Variants in ZNF618 observed in about 807,000 individuals in gnomAD.
ZNF618 encodes neural precursor cell expressed, developmentally down-regulated 10.
ZNF618 carries 34 observed loss-of-function variants against 103.0 expected under a neutral mutation model. The ratio of observed to expected loss-of-function variants is 0.33; its 90% CI spans 0.25 to 0.44. The LOEUF is 0.44. ZNF618 is among the 20% of genes least tolerant of loss of function. The pLI, the probability that ZNF618 is intolerant of heterozygous loss-of-function variation, is 1.00. For missense variants in ZNF618, 1,059 were observed against 1,295.4 expected (o/e 0.82, Z 2.80); for synonymous variants, 551 against 542.2 (o/e 1.02, Z -0.23).
At chr9:113,913,775 G>C (rs1831796830) in intron 1 of ZNF618, among the ~76,000 whole-genome samples, 1 of 152,224 alleles carries the variant, frequency 6.6e-6, no homozygotes, top group Non-Finnish European at 1.5e-5. Context: ...TCTTGGGTTT[G>C]AGGGTAGACT....
intron 1 of ZNF618, among the ~76,000 whole-genome samples, chr9:113,899,587 A>T (rs927202972): frequency 6.6e-6 from 1 of 152,222 alleles, no homozygotes; most frequent in Non-Finnish European, 1.5e-5. Context: ...GAGGTGGGAC[A>T]GTTCCATCCT....
At chr9:113,951,515 G>A (rs57337379) in intron 1 of ZNF618, among the ~76,000 whole-genome samples, 1,549 of 36,608 alleles carry the variant, frequency 0.042, 142 homozygotes, top group African/African-American at 0.064. Flanking sequence ...ATATATGTGT[G>A]TATATGTACA....
At chr9:113,940,584 G>GC (rs1834456876) in intron 1 of ZNF618, among the ~76,000 whole-genome samples, 1 of 150,294 alleles carries the variant, frequency 6.7e-6, no homozygotes, top group African/African-American at 2.4e-5. Flanking sequence ...ATTTTGGGGG[G>GC]GTGGTTCTTG....
intron 1 of ZNF618, among the ~76,000 whole-genome samples, chr9:113,950,500 A>G (rs1835460283): frequency 1.3e-5 from 2 of 152,216 alleles, no homozygotes; most frequent in African/African-American, 4.8e-5. Flanking sequence ...ATTGGAAGCC[A>G]GGCAAGCTGG....
chr9:113,972,998 G>A (rs1838127614), intron 2 of ZNF618, among the ~76,000 whole-genome samples: 1 of 152,254 alleles, frequency 6.6e-6, no homozygotes, highest in Middle Eastern at 3.4e-3. Context: ...GAACCCAGGA[G>A]GTGGAGGTTG....
intron 6 of ZNF618, among the ~76,000 whole-genome samples, chr9:114,006,189 G>A (rs1841741088): frequency 6.6e-6 from 1 of 152,250 alleles, no homozygotes; most frequent in Non-Finnish European, 1.5e-5. Context: ...GATTGCATCA[G>A]ATCCTGTATT....
chr9:113,965,105 G>T (rs1213623808), intron 1 of ZNF618, among the ~76,000 whole-genome samples: 1 of 149,418 alleles, frequency 6.7e-6, no homozygotes, highest in Non-Finnish European at 1.5e-5. Flanking sequence ...CAATATTCCT[G>T]CTCGGCTTTT....
At chr9:114,029,290 G>T (rs1843791812) in intron 11 of ZNF618, among the ~76,000 whole-genome samples, 1 of 152,108 alleles carries the variant, frequency 6.6e-6, no homozygotes, top group Admixed American at 6.5e-5. Flanking sequence ...TCTTCACAAG[G>T]TTTAAAAAAT....
At chr9:114,025,206 A>G (rs559498987) in intron 10 of ZNF618, among the ~76,000 whole-genome samples, 6 of 152,324 alleles carry the variant, frequency 3.9e-5, no homozygotes, top group African/African-American at 1.4e-4. Context: ...CTCCTCTTGC[A>G]TCCCATCTCC....
chr9:113,951,559 G>GTACACACA (rs1554733124), intron 1 of ZNF618, among the ~76,000 whole-genome samples: 2 of 36,068 alleles, frequency 5.5e-5, no homozygotes, highest in Admixed American at 8.6e-4. Flanking sequence ...ATATGTGTGT[G>GTACACACA]TATATGTGTG....
At chr9:113,911,904 C>T (rs1359837605) in intron 1 of ZNF618, among the ~76,000 whole-genome samples, 2 of 152,178 alleles carry the variant, frequency 1.3e-5, no homozygotes, top group South Asian at 2.1e-4. Context: ...GATTGTTTCT[C>T]AGACTTTTCA....
chr9:113,977,949 GCTGA>G (rs1267299134), intron 2 of ZNF618, among the ~76,000 whole-genome samples: 3 of 152,160 alleles, frequency 2.0e-5, no homozygotes, highest in African/African-American at 7.2e-5. Flanking sequence ...TAACGTTGTG[GCTGA>G]CTGACACCGT....
chr9:113,989,858 G>A (rs1276310796), intron 3 of ZNF618, among the ~76,000 whole-genome samples: 7 of 152,224 alleles, frequency 4.6e-5, no homozygotes, highest in Admixed American at 4.6e-4. Context: ...CCTGCTAACA[G>A]CCATGCTTTT....
chr9:114,022,655 T>C (rs1242441285), intron 10 of ZNF618, among the ~76,000 whole-genome samples: 1 of 149,482 alleles, frequency 6.7e-6, no homozygotes, highest in Admixed American at 6.7e-5. Context: ...CCAAGTTGGT[T>C]GATAATGCTG....
At position 114,049,580 on chromosome 9, in the gene ZNF618, G is replaced by T. The variant is rs746280530; in HGVS notation, c.2278G>T (p.Val760Leu). ...SNESQPTLQL[V>L]LPTYVRLEKL... Reference sequence around the variant, plus strand: ...CGAGAGCCAGCCCACCCTGCAGCTGGTGCTGCCCACCTACGTCAGGCTGGA... The same window carrying T: ...CGAGAGCCAGCCCACCCTGCAGCTGTTGCTGCCCACCTACGTCAGGCTGGA... The change falls in exon 15 of 15, where the codon GTG becomes TTG. Residue 760 changes from valine (V) to leucine (L), a missense_variant. Val to Leu is a conservative substitution (Grantham distance 32). Around this residue, in one of 6 missense-constraint regions of ZNF618, gnomAD observed 272 missense variants for 380.1 expected, o/e 0.72. Transcript: ENST00000374126. 6.2e-7 allele frequency: 1 copy of T among 1,613,854 alleles called. No homozygotes were observed. The highest frequency in any genetic ancestry group is 8.5e-7 in the Non-Finnish European group (1 of 1,179,908).
chr9:113,998,272 C>T lies in ZNF618; in HGVS notation c.351C>T (p.Pro117=), dbSNP rs553533154. 15 of 1,550,564 alleles carry T rather than the reference C, an allele frequency of 9.7e-6. No homozygotes were observed. The highest frequency in any genetic ancestry group is 1.7e-4 in the Middle Eastern group (1 of 5,982). Residue 117 remains proline (P), a synonymous_variant, in exon 4 of 15, where the codon CCC becomes CCT. Transcript: ENST00000374126. ...TACGTAATTCAGATGGAAAAGCGCC[C>T]GAAGGCAGCCCCCACGGTGGATCTG... ...RNQQTLDGKA[P]EGSPHGGSVR... is the part of the protein sequence containing the mutation.
intron 1 of ZNF618, among the ~76,000 whole-genome samples, chr9:113,908,682 A>T (rs1831217476): frequency 6.6e-6 from 1 of 151,976 alleles, no homozygotes; most frequent in African/African-American, 2.4e-5. Flanking sequence ...CAGCTGGAGG[A>T]ACCCAGTTTG....
intron 1 of ZNF618, among the ~76,000 whole-genome samples, chr9:113,910,810 A>G (rs11792694): frequency 0.034 from 5,106 of 151,598 alleles, 81 homozygotes; most frequent in African/African-American, 0.044. Context: ...CCAAGTTAGC[A>G]TGGAACTTTC....
At chr9:114,035,089 G>A (rs932946365) in intron 12 of ZNF618, 1 of 861,274 alleles carries the variant, frequency 1.2e-6, no homozygotes, top group Admixed American at 6.2e-5. Context: ...CCACTCCTCT[G>A]AAAGCCCCAT....
Sources: gnomAD v4.1 joint callset for allele counts (sites outside exome capture counted in the v4.1 genomes callset) on GRCh38, gnomAD v4.1.1 for gene constraint, gnomAD v4.1.1 regional missense constraint, MANE v1.5 for transcripts, NCBI Gene and HGNC (gene_info 2026-07-23, HGNC 2026-07-21) for gene names.